Variants in NRXN3 observed in about 807,000 individuals in gnomAD.
The protein encoded by NRXN3 is neurexin 3.
A neutral mutation model predicts 137.6 loss-of-function variants in NRXN3; 32 were observed. The ratio of observed to expected loss-of-function variants is 0.23; its 90% confidence interval spans 0.18 to 0.31. The LOEUF (loss-of-function observed/expected upper bound fraction) is 0.31, where lower values mean the gene tolerates loss of function less well. Among genes scored for constraint, NRXN3 ranks in the 10% least tolerant of loss-of-function variants. NRXN3 has a pLI of 1.00. For synonymous variants in NRXN3, 798 were observed against 784.5 expected (o/e 1.02, Z -0.29); for missense variants, 1,574 against 2,062.5 (o/e 0.76, Z 4.59).
At chr14:78,785,689 T>A (rs1225546182) in intron 8 of NRXN3, among the ~76,000 whole-genome samples, 1 of 152,204 alleles carries the variant, frequency 6.6e-6, no homozygotes, top group Non-Finnish European at 1.5e-5. Context: ...TGCATCCTAG[T>A]CATCCGCCAG....
intron 15 of NRXN3, among the ~76,000 whole-genome samples, chr14:79,140,018 T>C (rs1257620260): frequency 1.3e-5 from 2 of 151,502 alleles, no homozygotes; most frequent in Non-Finnish European, 2.9e-5. Context: ...CAGGAAATGA[T>C]ATGAAAAAAT....
At chr14:78,585,141 G>C (rs537592023) in intron 4 of NRXN3, among the ~76,000 whole-genome samples, 2 of 109,858 alleles carry the variant, frequency 1.8e-5, no homozygotes, top group Admixed American at 1.7e-4. Context: ...GGGAGATAAG[G>C]GGGGGGGGTG....
chr14:78,260,258 T>C (rs1348620090), intron 2 of NRXN3, among the ~76,000 whole-genome samples: 1 of 152,196 alleles, frequency 6.6e-6, no homozygotes, highest in African/African-American at 2.4e-5. Context: ...TCTTCACATA[T>C]GGCAGAGAAA....
At chr14:78,250,923 T>C (rs8010397) in intron 2 of NRXN3, among the ~76,000 whole-genome samples, 110,527 of 151,900 alleles carry the variant, frequency 0.73, 40,921 homozygotes, top group East Asian at 0.88. Flanking sequence ...TTGGCCTGTC[T>C]CAGGGGCTTT....
chr14:79,846,345 T>C (rs1370502192), intron 20 of NRXN3, among the ~76,000 whole-genome samples: 1 of 152,216 alleles, frequency 6.6e-6, no homozygotes, highest in Non-Finnish European at 1.5e-5. Context: ...AAAAAATTCA[T>C]GTGCTATCTG....
intron 3 of NRXN3, among the ~76,000 whole-genome samples, chr14:78,293,582 A>G (rs1357176740): frequency 6.6e-6 from 1 of 152,106 alleles, no homozygotes; most frequent in East Asian, 1.9e-4. Flanking sequence ...TCCCACTGCC[A>G]TGATACTAAT....
At chr14:79,279,303 G>T in intron 15 of NRXN3, 1 of 962,134 alleles carries the variant, frequency 1.0e-6, no homozygotes, top group Non-Finnish European at 1.2e-6. Context: ...GAGCGCTGGG[G>T]CTGCACTGAT....
intron 3 of NRXN3, among the ~76,000 whole-genome samples, chr14:78,287,580 T>C (rs2075312959): frequency 6.6e-6 from 1 of 152,220 alleles, no homozygotes; most frequent in Non-Finnish European, 1.5e-5. Flanking sequence ...GCTTGGACCC[T>C]TTCAGAGATG....
intron 16 of NRXN3, among the ~76,000 whole-genome samples, chr14:79,530,684 A>G (rs1169368207): frequency 6.6e-6 from 1 of 152,038 alleles, no homozygotes; most frequent in South Asian, 2.1e-4. Context: ...AAAAGAAATA[A>G]GACAAATAAA....
chr14:78,262,366 A>T (rs1375229058), intron 2 of NRXN3, among the ~76,000 whole-genome samples: 2 of 152,138 alleles, frequency 1.3e-5, no homozygotes, highest in African/African-American at 4.8e-5. Flanking sequence ...GGACACACAC[A>T]TGGCCCTCTC....
chr14:78,187,289 C>T (rs2153366739), intron 1 of NRXN3, among the ~76,000 whole-genome samples: 2 of 148,922 alleles, frequency 1.3e-5, no homozygotes, highest in Middle Eastern at 3.5e-3. Flanking sequence ...TTCCTCAAAG[C>T]TTGCAATGCT....
chr14:79,150,099 T>G (rs954148124), intron 15 of NRXN3, among the ~76,000 whole-genome samples: 1 of 152,080 alleles, frequency 6.6e-6, no homozygotes, highest in East Asian at 1.9e-4. Context: ...ACATGTTCCA[T>G]TCTAAGTCTT....
At chr14:78,888,028 C>T (rs1032571681) in intron 10 of NRXN3, among the ~76,000 whole-genome samples, 3 of 151,990 alleles carry the variant, frequency 2.0e-5, no homozygotes, top group East Asian at 3.9e-4. Context: ...TTTTGGCATT[C>T]GGGAGTGGCA....
chr14:79,270,287 T>G (rs1458062177), intron 15 of NRXN3, among the ~76,000 whole-genome samples: 1 of 152,174 alleles, frequency 6.6e-6, no homozygotes, highest in African/African-American at 2.4e-5. Flanking sequence ...AATTGCATAT[T>G]TTGGAGGTTC....
chr14:79,161,453 C>A (rs1380526334), intron 15 of NRXN3, among the ~76,000 whole-genome samples: 1 of 151,934 alleles, frequency 6.6e-6, no homozygotes, highest in Non-Finnish European at 1.5e-5. Context: ...TTCTCCAATG[C>A]AGATCACTAG....
intron 4 of NRXN3, among the ~76,000 whole-genome samples, chr14:78,393,126 G>C (rs1055087305): frequency 4.0e-5 from 6 of 151,544 alleles, no homozygotes; most frequent in Non-Finnish European, 8.8e-5. Flanking sequence ...GGGGGCAAGG[G>C]CCATTTTATA....
chr14:78,494,898 ATTCT>A (rs1567753429), intron 4 of NRXN3, among the ~76,000 whole-genome samples: 1 of 151,942 alleles, frequency 6.6e-6, no homozygotes, highest in Non-Finnish European at 1.5e-5. Flanking sequence ...GTTTTTACCA[ATTCT>A]TTAACTTAAT....
chr14:78,983,884 A>G (rs2099496109), intron 14 of NRXN3, among the ~76,000 whole-genome samples: 1 of 151,504 alleles, frequency 6.6e-6, no homozygotes, highest in Non-Finnish European at 1.5e-5. Context: ...AAAAAAAAAG[A>G]AAAAAAGGCT....
In NRXN3 at chr14:79,865,043, G is replaced by T. The variant is rs952144152; in HGVS notation, c.*3079G>T. On this transcript the variant is annotated 3_prime_UTR_variant, in exon 21 of 21. Coordinates refer to ENST00000335750, the MANE Select transcript of NRXN3 (RefSeq NM_001330195.2). Reference sequence around the variant, plus strand: ...TGGGATTACAGGCGTGAGCCACCGCGCCCGGCTTGGATACTATGTTTTTTA... The same window carrying T: ...TGGGATTACAGGCGTGAGCCACCGCTCCCGGCTTGGATACTATGTTTTTTA... 1 of 152,280 alleles carries T rather than the reference G, an allele frequency of 6.6e-6. No homozygotes were observed. Among genetic ancestry groups the T allele is most frequent in the South Asian group, 2.1e-4 (1 of 4,826 alleles). 9.4% of individuals were successfully genotyped at this position (152,280 alleles called of 1,614,324 possible).
Sources: allele counts gnomAD v4.1 joint callset (sites outside exome capture counted in the v4.1 genomes callset), GRCh38; gene constraint gnomAD v4.1.1; transcripts MANE v1.5; gene names NCBI Gene and HGNC (gene_info 2026-07-23, HGNC 2026-07-21).